DHRS7C: variants seen among roughly 807,000 people sequenced by gnomAD.
The protein encoded by DHRS7C is dehydrogenase/reductase SDR family member 7C.
A neutral mutation model predicts 29.6 loss-of-function variants in DHRS7C; 28 were observed. The ratio of observed to expected loss-of-function variants is 0.95; its 90% CI spans 0.70 to 1.30. The LOEUF is 1.30. Among genes scored for constraint, DHRS7C ranks in the 50% most tolerant of loss-of-function variants. DHRS7C has a pLI of 0.00. For synonymous variants in DHRS7C, 158 were observed against 160.2 expected (o/e 0.99, Z 0.10); for missense variants, 403 against 393.3 (o/e 1.02, Z -0.21).
intron 1 of DHRS7C, among the ~76,000 whole-genome samples, chr17:9,790,583 T>C (rs774547417): frequency 1.3e-5 from 2 of 152,268 alleles, no homozygotes; most frequent in Non-Finnish European, 2.9e-5. Flanking sequence ...TTCATGATCA[T>C]CATTACTAAC....
chr17:9,783,602 T>C (rs960483184), intron 1 of DHRS7C, among the ~76,000 whole-genome samples: 9 of 151,996 alleles, frequency 5.9e-5, no homozygotes, highest in African/African-American at 2.2e-4. Flanking sequence ...ATAAATAGAG[T>C]CAGGTATTGA....
Position 9,777,284 on chromosome 17 carries a change from G to A in DHRS7C, c.480C>T (p.Ala160=). 6.2e-7 allele frequency: 1 copy of A among 1,613,116 alleles called. No homozygotes were observed. The highest frequency in any genetic ancestry group is 1.7e-4 in the Middle Eastern group (1 of 6,060). ...NYFGPITLTK[A]LLPNMISRRT... The stretch of plus-strand genomic sequence containing the variant: ...TCCGGGAGATCATGTTGGGAAGCAG[G>A]GCTGGAAAACACAGGACGATGCATC... Residue 160 remains alanine, a splice_region_variant and synonymous_variant, in exon 4 of 6, where the codon GCC becomes GCT. Transcript: ENST00000571134.
At chr17:9,790,394 C>T (rs949044933) in intron 1 of DHRS7C, among the ~76,000 whole-genome samples, 2 of 152,244 alleles carry the variant, frequency 1.3e-5, no homozygotes, top group African/African-American at 4.8e-5. Context: ...TACGGCCCCT[C>T]ATGTCATAGA....
At chr17:9,786,921 G>A (rs141465616) in intron 1 of DHRS7C, among the ~76,000 whole-genome samples, 1 of 152,098 alleles carries the variant, frequency 6.6e-6, no homozygotes, top group East Asian at 1.9e-4. Flanking sequence ...TTCACTCCTC[G>A]CTCCCTCCCT....
chr17:9,791,249 C>T lies in DHRS7C; in HGVS notation c.36G>A (p.Leu12=), dbSNP rs1321046749. The change falls in exon 1 of 6, where the codon CTG becomes CTA. Residue 12 remains leucine, a synonymous_variant. Transcript: ENST00000571134. ...GVMAMLMLPL[L]LLGISGLLFI... ...AGAGGAGGCCGCTGATTCCCAGCAG[C>T]AGCAGGGGGAGCATCAGCATGGCCA... 1 of 1,613,760 alleles carries T rather than the reference C, an allele frequency of 6.2e-7. No individual in the cohort carries two copies. The highest frequency in any genetic ancestry group is 1.1e-5 in the South Asian group (1 of 90,976).
chr17:9,791,358 G>A lies in DHRS7C; in HGVS notation c.-74C>T, dbSNP rs2066454457. On this transcript the variant is annotated 5_prime_UTR_variant, in exon 1 of 6. Coordinates refer to ENST00000571134, the MANE Select transcript of DHRS7C (RefSeq NM_001105571.3). ...ACGCTGATCAGGACTCCCAGGGCAG[G>A]GGGAGGCCCAAGGCTGCAGGGAGCT... The A allele has an allele frequency of 1.9e-6, 3 of 1,547,858 alleles. No individual in the cohort carries two copies. The highest frequency in any genetic ancestry group is 1.8e-5 in the Admixed American group (1 of 55,180).
At chr17:9,789,394 T>C (rs936774436) in intron 1 of DHRS7C, among the ~76,000 whole-genome samples, 2 of 152,170 alleles carry the variant, frequency 1.3e-5, no homozygotes, top group Admixed American at 6.5e-5. Flanking sequence ...CCTTCCCTGA[T>C]CACATGTCAC....
rs79234391 is a variant in DHRS7C at position 9,775,341 on chromosome 17, G to T, written c.571+1852C>A. ...CTCTGCCCTTCTTCCTGGGCCCCCA[G>T]GTGGACTGCACTTCCCAGCGTCCCT... On this transcript the variant is annotated intron_variant, in intron 4 of 5. Transcript: ENST00000571134. The surrounding 1 kb of genome is among the most constrained non-coding windows in gnomAD (Gnocchi z 4.2). Among the ~76,000 whole-genome samples, 2,363 of 152,278 alleles carry T rather than the reference G, an allele frequency of 0.016. 61 individuals carry two copies. The highest frequency in any genetic ancestry group is 0.053 in the African/African-American group (2,184 of 41,556).
chr17:9,780,575 A>G (rs528178569), intron 2 of DHRS7C, among the ~76,000 whole-genome samples: 72 of 152,340 alleles, frequency 4.7e-4, no homozygotes, highest in African/African-American at 1.6e-3. Flanking sequence ...CTATTGATCT[A>G]GGGATGTGTA....
chr17:9,787,305 A>G (rs1034121616), intron 1 of DHRS7C, among the ~76,000 whole-genome samples: 1 of 152,218 alleles, frequency 6.6e-6, no homozygotes, highest in African/African-American at 2.4e-5. Flanking sequence ...CAGGAGCCAG[A>G]TCAAACCTCT....
chr17:9,771,726 A>T (rs747421831), intron 5 of DHRS7C, 30 bp from the exon 6 acceptor site: 1 of 1,406,790 alleles, frequency 7.1e-7, no homozygotes, highest in East Asian at 2.8e-5. Flanking sequence ...GGCGGGGGTT[A>T]TGACCTCCGT....
chr17:9,785,264 A>T (rs1017351411), intron 1 of DHRS7C: 1 of 152,260 alleles, frequency 6.6e-6, no homozygotes, highest in Non-Finnish European at 1.5e-5. Context: ...GTTTTCGCCC[A>T]TGGGCCCAGG....
chr17:9,773,719 C>CA, intron 4 of DHRS7C, among the ~76,000 whole-genome samples: 1 of 86,004 alleles, frequency 1.2e-5, no homozygotes, highest in African/African-American at 5.7e-5. Context: ...GCAATGAGGC[C>CA]TTTTTTTTTT....
In DHRS7C at chr17:9,771,450, C is replaced by A. The variant is rs745660081; in HGVS notation, c.*38G>T. ...AAGCGCCAGCACCTGCCAGAAAAAC[C>A]TTTATTTCCAAGGGGTGGCCCATTT... is the stretch of plus-strand genomic sequence containing the variant. On this transcript the variant is annotated 3_prime_UTR_variant, in exon 6 of 6. Coordinates refer to ENST00000571134, the MANE Select transcript of DHRS7C (RefSeq NM_001105571.3). The A allele has an allele frequency of 2.1e-6, 3 of 1,439,194 alleles. No individual in the cohort carries two copies. The highest frequency in any genetic ancestry group is 5.3e-5 in the Admixed American group (2 of 37,806). The allele number at this position is 1,439,194 out of a possible 1,614,324, so 89.2% of individuals were successfully genotyped here. A position where few individuals can be genotyped will look rare whatever the true frequency, so the allele number is the denominator to read the frequency against.
chr17:9,774,920 C>A lies in DHRS7C; in HGVS notation c.572-1998G>T, dbSNP rs1385391408. Among the ~76,000 whole-genome samples, 1 of 152,238 alleles carries A rather than the reference C, an allele frequency of 6.6e-6. No individual in the cohort carries two copies. Among genetic ancestry groups the A allele is most frequent in the East Asian group, 1.9e-4 (1 of 5,172 alleles). Reference sequence around the variant, plus strand: ...TGACATTTACATGGGAAACTCTGTGCCCCTCAATTCCTCAGCTTCAGAGAA... The same window carrying A: ...TGACATTTACATGGGAAACTCTGTGACCCTCAATTCCTCAGCTTCAGAGAA... On this transcript the variant is annotated intron_variant, in intron 4 of 5. Coordinates refer to ENST00000571134, the MANE Select transcript of DHRS7C (RefSeq NM_001105571.3). The surrounding 1 kb of genome is among the most constrained non-coding windows in gnomAD (Gnocchi z 5.0).
intron 1 of DHRS7C, chr17:9,785,180 A>G (rs1009355427): frequency 6.6e-6 from 1 of 152,248 alleles, no homozygotes; most frequent in African/African-American, 2.4e-5. Flanking sequence ...CACAAATAGG[A>G]CACAAATGAA....
At chr17:9,786,423 A>T (rs1030347744) in intron 1 of DHRS7C, among the ~76,000 whole-genome samples, 1 of 150,486 alleles carries the variant, frequency 6.6e-6, no homozygotes, top group Non-Finnish European at 1.5e-5. Context: ...CAGAGGAAGG[A>T]CTCTCCCCTC....
intron 1 of DHRS7C, among the ~76,000 whole-genome samples, chr17:9,789,154 G>A (rs907700730): frequency 2.0e-5 from 3 of 152,136 alleles, no homozygotes; most frequent in Non-Finnish European, 4.4e-5. Context: ...GGCTACGGAA[G>A]AACTGAGCAA....
intron 3 of DHRS7C, 55 bp downstream of exon 3, chr17:9,779,770 G>C (rs11078817): frequency 0.37 from 567,673 of 1,530,278 alleles, 110,504 homozygotes; most frequent in African/African-American, 0.66. Context: ...ATTAACAGAG[G>C]CCTCTGTAGA....
Sources: allele counts gnomAD v4.1 joint callset (sites outside exome capture counted in the v4.1 genomes callset), GRCh38; gene constraint gnomAD v4.1.1; non-coding constraint Gnocchi (gnomAD v3.1); transcripts MANE v1.5; gene names NCBI Gene and HGNC (gene_info 2026-07-23, HGNC 2026-07-21).